The following CELF2 variants were observed in gnomAD, a reference collection of about 807,000 sequenced individuals.
The protein encoded by CELF2 is CUG triplet repeat RNA-binding protein 2.
In CELF2, 8 loss-of-function variants were observed where a neutral mutation model predicts 62.6. The observed-to-expected ratio is 0.13, with a 90% CI of 0.07 to 0.23. The LOEUF is 0.23. Ranked by LOEUF, CELF2 falls within the 10% of genes least tolerant of loss-of-function variation. The pLI, the probability that CELF2 is intolerant of heterozygous loss-of-function variation, is 1.00. For missense variants in CELF2, 333 were observed against 671.0 expected, an observed-to-expected ratio of 0.50 and a Z score of 5.56; for synonymous variants, 258 against 250.0, an observed-to-expected ratio of 1.03 and a Z score of -0.30.
the CELF2 span, among the ~76,000 whole-genome samples, chr10:10,694,639 G>A: frequency 6.6e-6 from 1 of 151,630 alleles, no homozygotes; most frequent in South Asian, 2.1e-4. Flanking sequence ...ATGAATGTGT[G>A]GGAGTCTAAG....
At chr10:10,823,256 A>G (rs913957640) in intron 1 of CELF2, among the ~76,000 whole-genome samples, 1 of 152,222 alleles carries the variant, frequency 6.6e-6, no homozygotes, top group Non-Finnish European at 1.5e-5. Context: ...GTGAGTCTGT[A>G]GTTGAATATC....
At chr10:10,839,868 A>G (rs928148630) in intron 1 of CELF2, among the ~76,000 whole-genome samples, 3 of 152,188 alleles carry the variant, frequency 2.0e-5, no homozygotes, top group African/African-American at 4.8e-5. Context: ...TGCTTCACCT[A>G]TTCAACCTCT....
intron 1 of CELF2, among the ~76,000 whole-genome samples, chr10:10,831,928 C>T (rs2057893038): frequency 6.8e-6 from 1 of 146,522 alleles, no homozygotes; most frequent in African/African-American, 2.5e-5. Context: ...ACCAAGATTG[C>T]ACCAGTGCAC....
intron 1 of CELF2, among the ~76,000 whole-genome samples, chr10:11,084,591 T>G (rs181004238): frequency 7.0e-4 from 106 of 152,308 alleles, no homozygotes; most frequent in African/African-American, 2.4e-3. Flanking sequence ...ATGATAATCA[T>G]GCACTTAAAT....
At chr10:10,892,261 G>T (rs898880937) in intron 1 of CELF2, among the ~76,000 whole-genome samples, 9 of 152,210 alleles carry the variant, frequency 5.9e-5, no homozygotes, top group African/African-American at 2.2e-4. Flanking sequence ...TCAGGTTTAG[G>T]CAGGAAGCTT....
In CELF2 at chr10:11,054,489, TTGTGTG is replaced by T. The variant is rs35465939; in HGVS notation, c.74+36354_74+36359del. On this transcript the variant is annotated intron_variant, in intron 1 of 12. Coordinates refer to ENST00000633077, the MANE Select transcript of CELF2 (RefSeq NM_001326342.2). ...GAAGAAAACAACTGTGTATGTGTGT[TTGTGTG>T]TGTGTGTGTGTGTGTGTGTGTGTGT... Among the ~76,000 whole-genome samples the T allele has an allele frequency of 2.2e-3, 331 of 149,580 alleles. 1 individual carries two copies. Among genetic ancestry groups the T allele is most frequent in the Non-Finnish European group, 3.2e-3 (218 of 67,194 alleles).
At chr10:10,651,011 C>A in the CELF2 span, among the ~76,000 whole-genome samples, 313 of 141,870 alleles carry the variant, frequency 2.2e-3, no homozygotes, top group East Asian at 4.7e-3. Context: ...CCAGTGGGTG[C>A]GCGCACCGTG....
intron 4 of CELF2, among the ~76,000 whole-genome samples, chr10:11,253,157 C>A (rs948352454): frequency 3.9e-5 from 6 of 152,180 alleles, no homozygotes; most frequent in Non-Finnish European, 7.3e-5. Context: ...ACTCTGATGT[C>A]TTTGCCTCTT....
chr10:10,924,247 A>C (rs1452161403), intron 2 of CELF2, among the ~76,000 whole-genome samples: 2 of 125,518 alleles, frequency 1.6e-5, no homozygotes, highest in Non-Finnish European at 3.1e-5. Flanking sequence ...GCGCCACTGC[A>C]CTCCAGCCTG....
chr10:10,775,399 G>A, the CELF2 span, among the ~76,000 whole-genome samples: 1 of 152,072 alleles, frequency 6.6e-6, no homozygotes, highest in Non-Finnish European at 1.5e-5. Flanking sequence ...GGGAGGCCAA[G>A]GCAGGCAATG....
chr10:10,843,052 A>G (rs1017602468), intron 1 of CELF2, among the ~76,000 whole-genome samples: 1 of 152,008 alleles, frequency 6.6e-6, no homozygotes, highest in Non-Finnish European at 1.5e-5. Flanking sequence ...AGTCCATTTC[A>G]TCTAAGTAAT....
chr10:11,167,982 T>C (rs2067728835), intron 2 of CELF2, among the ~76,000 whole-genome samples: 4 of 152,140 alleles, frequency 2.6e-5, no homozygotes, highest in Admixed American at 2.6e-4. Context: ...GACTACACCA[T>C]TTTGCGTCTT....
At chr10:10,489,341 A>T in the CELF2 span, among the ~76,000 whole-genome samples, 2 of 152,086 alleles carry the variant, frequency 1.3e-5, no homozygotes, top group Non-Finnish European at 1.5e-5. Context: ...TGTAACTGGA[A>T]CAGTGCTGGT....
chr10:10,971,741 C>A (rs974933823), intron 2 of CELF2, among the ~76,000 whole-genome samples: 3 of 152,094 alleles, frequency 2.0e-5, no homozygotes, highest in African/African-American at 7.2e-5. Context: ...CACCCACTAC[C>A]GTGCCTGGCT....
chr10:10,741,446 G>C, the CELF2 span, among the ~76,000 whole-genome samples: 1 of 148,132 alleles, frequency 6.8e-6, no homozygotes, highest in Non-Finnish European at 1.5e-5. Flanking sequence ...GGGAGGGAGA[G>C]GTGCGCCACT....
At chr10:10,771,603 G>C in the CELF2 span, among the ~76,000 whole-genome samples, 1 of 152,202 alleles carries the variant, frequency 6.6e-6, no homozygotes, top group African/African-American at 2.4e-5. Flanking sequence ...CTGTTCTCGT[G>C]TAGTGAATAA....
chr10:11,130,408 C>A (rs1392789405), intron 1 of CELF2, among the ~76,000 whole-genome samples: 1 of 152,178 alleles, frequency 6.6e-6, no homozygotes, highest in East Asian at 1.9e-4. Context: ...CACATGTTGC[C>A]CCTCCTTGCA....
At chr10:10,932,411 CA>C (rs199519198) in intron 2 of CELF2, among the ~76,000 whole-genome samples, 23 of 151,612 alleles carry the variant, frequency 1.5e-4, no homozygotes, top group Admixed American at 9.2e-4. Context: ...GTTCTCATCA[CA>C]AAAAAAGATC....
chr10:10,886,574 T>C (rs2061763234), intron 1 of CELF2, among the ~76,000 whole-genome samples: 1 of 152,198 alleles, frequency 6.6e-6, no homozygotes, highest in Non-Finnish European at 1.5e-5. Context: ...ATGGGACTCA[T>C]GCCTGTAATC....
Sources: allele counts gnomAD v4.1 joint callset (sites outside exome capture counted in the v4.1 genomes callset), GRCh38; gene constraint gnomAD v4.1.1; transcripts MANE v1.5; gene names NCBI Gene and HGNC (gene_info 2026-07-23, HGNC 2026-07-21).